RTL4: variants seen among roughly 807,000 people sequenced by gnomAD.
The protein encoded by RTL4 is retrotransposon Gag like 4, also known as retrotransposon Gag-like protein 4.
In RTL4, 4 loss-of-function variants were observed where a neutral mutation model predicts 5.3. The ratio of observed to expected loss-of-function variants is 0.75; its 90% CI spans 0.37 to 1.72. The LOEUF (loss-of-function observed/expected upper bound fraction) is 1.72. Ranked by LOEUF, RTL4 falls within the 40% of genes most tolerant of loss-of-function variation. The pLI, the probability that RTL4 is intolerant of heterozygous loss-of-function variation, is 0.04. For synonymous variants in RTL4, 98 were observed against 87.3 expected (o/e 1.12, Z -0.68); for missense variants, 260 against 227.1 (o/e 1.14, Z -0.93).
At chrX:112,323,870 T>G in the RTL4 span, among the ~76,000 whole-genome samples, 1 of 112,287 alleles carries the variant, frequency 8.9e-6, no homozygotes, top group Non-Finnish European at 1.9e-5. Context: ...ACTGTCTAGT[T>G]TATAACCTGT....
chrX:112,257,463 G>A, the RTL4 span, among the ~76,000 whole-genome samples: 1 of 110,732 alleles, frequency 9.0e-6, no homozygotes, highest in African/African-American at 3.3e-5. Context: ...GCGTTGTTGT[G>A]TCTTAGTCTG....
chrX:112,185,402 T>TATACAC, the RTL4 span, among the ~76,000 whole-genome samples: 2 of 97,856 alleles, frequency 2.0e-5, no homozygotes, highest in African/African-American at 4.0e-5. Context: ...TATATATATA[T>TATACAC]ACACACACAC....
At chrX:112,230,307 T>C in the RTL4 span, among the ~76,000 whole-genome samples, 2 of 112,477 alleles carry the variant, frequency 1.8e-5, no homozygotes, top group South Asian at 3.7e-4. Flanking sequence ...TGAGGCTCCG[T>C]GGGCATAGGA....
the RTL4 span, among the ~76,000 whole-genome samples, chrX:112,195,349 T>C: frequency 8.9e-6 from 1 of 112,116 alleles, no homozygotes; most frequent in African/African-American, 3.2e-5. Flanking sequence ...AACATATTAT[T>C]ATAGAAGACA....
At chrX:112,304,639 CTTTTTTTTTTTTTTTTT>C in the RTL4 span, among the ~76,000 whole-genome samples, 2 of 48,360 alleles carry the variant, frequency 4.1e-5, no homozygotes, top group Admixed American at 6.1e-4. Flanking sequence ...TTTCCCACAT[CTTTTTTTTTTTTTTTTT>C]TTTTTTTTTG....
At chrX:112,423,501 TA>T in the RTL4 span, among the ~76,000 whole-genome samples, 2 of 111,038 alleles carry the variant, frequency 1.8e-5, no homozygotes, top group African/African-American at 3.3e-5. Context: ...TGGATTCTTT[TA>T]TAAAGAAGTT....
the RTL4 span, among the ~76,000 whole-genome samples, chrX:112,446,618 C>T: frequency 8.9e-6 from 1 of 112,233 alleles, no homozygotes; most frequent in Non-Finnish European, 1.9e-5. Flanking sequence ...GAAGCCAAGG[C>T]GAGTGGATCA....
the RTL4 span, among the ~76,000 whole-genome samples, chrX:112,429,529 A>G: frequency 9.0e-6 from 1 of 111,222 alleles, no homozygotes; most frequent in East Asian, 2.8e-4. Context: ...CTAGGCATAC[A>G]TAAGCAAATT....
chrX:112,382,144 T>G, the RTL4 span: 4 of 1,209,897 alleles, frequency 3.3e-6, no homozygotes, highest in Non-Finnish European at 4.5e-6. Flanking sequence ...AAGGAAGTCA[T>G]AATCAGTGCC....
chrX:112,412,582 G>T, the RTL4 span, among the ~76,000 whole-genome samples: 503 of 111,399 alleles, frequency 4.5e-3, 5 homozygotes, highest in African/African-American at 0.016. Context: ...TTAAACAGAG[G>T]TGCCAAGAAC....
chrX:112,108,095 C>T, the RTL4 span, among the ~76,000 whole-genome samples: 1 of 111,223 alleles, frequency 9.0e-6, no homozygotes, highest in Non-Finnish European at 1.9e-5. Flanking sequence ...GCTGTGGATG[C>T]TCTCTGCTGC....
At chrX:112,376,792 A>G in the RTL4 span, among the ~76,000 whole-genome samples, 2 of 112,211 alleles carry the variant, frequency 1.8e-5, no homozygotes, top group Non-Finnish European at 3.8e-5. Context: ...CATTCCTATC[A>G]AGGAGGATTA....
At chrX:112,428,700 T>C in the RTL4 span, among the ~76,000 whole-genome samples, 1 of 111,707 alleles carries the variant, frequency 9.0e-6, no homozygotes, top group Admixed American at 9.5e-5. Context: ...TTCAACTATG[T>C]CCTTGCTGAT....
At chrX:112,315,736 TAGA>T in the RTL4 span, among the ~76,000 whole-genome samples, 49 of 111,857 alleles carry the variant, frequency 4.4e-4, no homozygotes, top group East Asian at 6.0e-3. Context: ...TCAACACTGA[TAGA>T]AGAACCATCC....
At chrX:112,095,489 G>A in the RTL4 span, among the ~76,000 whole-genome samples, 4 of 111,766 alleles carry the variant, frequency 3.6e-5, no homozygotes, top group Admixed American at 9.5e-5. Context: ...GGATATGATA[G>A]GAGTTCCATG....
At chrX:112,217,318 G>A in the RTL4 span, among the ~76,000 whole-genome samples, 1 of 111,805 alleles carries the variant, frequency 8.9e-6, no homozygotes, top group African/African-American at 3.2e-5. Context: ...GAGAGTTGGT[G>A]GTTATCAGAG....
At chrX:112,453,155 A>T (rs779533890), upstream of RTL4, among the ~76,000 whole-genome samples, 2 of 111,649 alleles carry the variant, frequency 1.8e-5, no homozygotes, top group East Asian at 5.6e-4. Context: ...CCAATCTTAT[A>T]CTATTTGTCT....
At chrX:112,456,323 A>C (rs1926843837) in exon 1 of RTL4, 1 of 306,894 alleles carries the variant, frequency 3.3e-6, no homozygotes, top group Admixed American at 6.2e-5. Context: ...CCTCCTGGCT[A>C]TTTACAAACC....
At chrX:112,152,121 C>T in the RTL4 span, among the ~76,000 whole-genome samples, 5 of 111,494 alleles carry the variant, frequency 4.5e-5, no homozygotes, top group East Asian at 1.4e-3. Flanking sequence ...GGGCTACCTT[C>T]AGACTAGGCC....
Sources: gnomAD v4.1 joint callset for allele counts (sites outside exome capture counted in the v4.1 genomes callset) on GRCh38, gnomAD v4.1.1 for gene constraint, MANE v1.5 for transcripts, NCBI Gene and HGNC (gene_info 2026-07-23, HGNC 2026-07-21) for gene names.